Variants in PRKG2 observed in about 807,000 individuals in gnomAD.
PRKG2 encodes the protein protein kinase cGMP-dependent 2.
Under a neutral mutation model 97.2 loss-of-function variants are expected in PRKG2, and 33 were observed. The ratio of observed to expected loss-of-function variants is 0.34; its 90% confidence interval spans 0.26 to 0.45. The LOEUF is 0.45. Ranked by LOEUF, PRKG2 falls within the 20% of genes least tolerant of loss-of-function variation. The pLI, the probability that PRKG2 is intolerant of heterozygous loss-of-function variation, is 1.00. For synonymous variants in PRKG2, 330 were observed against 321.8 expected, an observed-to-expected ratio of 1.03 and a Z score of -0.27; for missense variants, 638 against 900.0, an observed-to-expected ratio of 0.71 and a Z score of 3.73.
chr4:81,210,662 A>G (rs988071091), intron 1 of PRKG2, among the ~76,000 whole-genome samples: 1 of 152,110 alleles, frequency 6.6e-6, no homozygotes, highest in Non-Finnish European at 1.5e-5. Context: ...ACAAAGCTAA[A>G]TATACTCTTA....
In PRKG2 at chr4:81,140,604, G is replaced by T; in HGVS notation, c.1473C>A (p.Asp491Glu). The T allele has an allele frequency of 6.2e-7, 1 of 1,612,926 alleles. No homozygotes were observed. Among genetic ancestry groups the T allele is most frequent in the Non-Finnish European group, 8.5e-7 (1 of 1,179,106 alleles). Reference sequence around the variant, plus strand: ...AGTAGACATGCTCCTGCTGCTTGGTGTCAACTATGTGCTTCTTCCTTATAC... The same window carrying T: ...AGTAGACATGCTCCTGCTGCTTGGTTTCAACTATGTGCTTCTTCCTTATAC... ...MKCIRKKHIV[D>E]TKQQEHVYSE... Residue 491 changes from aspartate (D) to glutamate (E), a missense_variant, in exon 12 of 19, where the codon GAC (aspartate) becomes GAA (glutamate). Transcript: ENST00000264399.
At chr4:81,145,343 A>G (rs1414666353) in intron 9 of PRKG2, among the ~76,000 whole-genome samples, 1 of 152,198 alleles carries the variant, frequency 6.6e-6, no homozygotes, top group African/African-American at 2.4e-5. Flanking sequence ...CAGGGGTTAC[A>G]GATTCTTTTA....
At chr4:81,180,230 G>A (rs938654938) in intron 2 of PRKG2, among the ~76,000 whole-genome samples, 2 of 151,672 alleles carry the variant, frequency 1.3e-5, no homozygotes, top group Non-Finnish European at 2.9e-5. Flanking sequence ...CTCAAAACAT[G>A]GCAAACAAAA....
chr4:81,142,298 A>G (rs1747372909), intron 11 of PRKG2, among the ~76,000 whole-genome samples: 3 of 152,212 alleles, frequency 2.0e-5, no homozygotes, highest in African/African-American at 7.2e-5. Context: ...TCACAATACG[A>G]AATTTTGAGC....
chr4:81,195,397 TACATA>T (rs1455459539), intron 2 of PRKG2, among the ~76,000 whole-genome samples: 4 of 152,178 alleles, frequency 2.6e-5, no homozygotes. Context: ...TAATAAAATA[TACATA>T]ACATAAAATG....
chr4:81,100,142 G>A (rs1160212774), intron 17 of PRKG2, among the ~76,000 whole-genome samples: 1 of 151,422 alleles, frequency 6.6e-6, no homozygotes, highest in African/African-American at 2.4e-5. Context: ...TACTGCCCAA[G>A]GTAATTTATA....
In PRKG2 at chr4:81,089,514, C is replaced by T. The variant is rs1428362894; in HGVS notation, c.*194G>A. ...CAAATAATGTAATACATCAATAATTCACAGCATCTAAATAAGACACTATAA... is the reference window on the plus strand; with the variant it reads ...CAAATAATGTAATACATCAATAATTTACAGCATCTAAATAAGACACTATAA... On this transcript the variant is annotated 3_prime_UTR_variant, in exon 19 of 19. Coordinates refer to ENST00000264399, the MANE Select transcript of PRKG2 (RefSeq NM_006259.3). 2.2e-6 allele frequency: 1 copy of T among 445,492 alleles called. No individual in the cohort carries two copies. Among genetic ancestry groups the T allele is most frequent in the African/African-American group, 2.0e-5 (1 of 49,472 alleles). The allele number at this position is 445,492 out of a possible 1,614,324, so 27.6% of individuals were successfully genotyped here. A position where few individuals can be genotyped will look rare whatever the true frequency, so the allele number is the denominator to read the frequency against.
At chr4:81,167,301 C>T (rs1464103421) in intron 5 of PRKG2, 77 bp from the exon 6 acceptor site, 1 of 908,394 alleles carries the variant, frequency 1.1e-6, no homozygotes, top group Non-Finnish European at 1.6e-6. Flanking sequence ...ATTCTAAAAT[C>T]TTTACATACA....
intron 14 of PRKG2, among the ~76,000 whole-genome samples, 182 bp downstream of exon 14, chr4:81,134,973 C>T (rs966447485): frequency 2.6e-5 from 4 of 151,978 alleles, no homozygotes; most frequent in African/African-American, 9.7e-5. Flanking sequence ...ACATTAAATC[C>T]TTAGGTCAAA....
intron 17 of PRKG2, among the ~76,000 whole-genome samples, chr4:81,100,807 A>C (rs1447166071): frequency 1.3e-5 from 2 of 152,216 alleles, no homozygotes; most frequent in African/African-American, 4.8e-5. Flanking sequence ...ACATTTCTGC[A>C]ATCTACTCAT....
At chr4:81,131,183 C>A (rs944608514) in intron 14 of PRKG2, among the ~76,000 whole-genome samples, 4 of 151,966 alleles carry the variant, frequency 2.6e-5, no homozygotes, top group African/African-American at 4.8e-5. Context: ...TATCTGGGGC[C>A]GGAATTCACC....
At chr4:81,167,036 G>T in intron 6 of PRKG2, 125 bp downstream of exon 6, 1 of 668,754 alleles carries the variant, frequency 1.5e-6, no homozygotes, top group South Asian at 2.7e-5. Flanking sequence ...TTTCACCATA[G>T]AAAAAGGCTC....
intron 7 of PRKG2, 175 bp downstream of exon 7, chr4:81,153,469 G>A (rs1578430545): frequency 3.7e-6 from 2 of 539,076 alleles, no homozygotes. Flanking sequence ...AGGGGGTCCT[G>A]TGGCCTCCAC....
intron 2 of PRKG2, among the ~76,000 whole-genome samples, chr4:81,187,421 A>C (rs1751981405): frequency 6.6e-6 from 1 of 152,186 alleles, no homozygotes; most frequent in African/African-American, 2.4e-5. Context: ...AACAAAATTC[A>C]ACACCCCTAT....
chr4:81,106,000 A>T (rs905000289), intron 15 of PRKG2, 65 bp from the exon 16 acceptor site: 2 of 1,514,006 alleles, frequency 1.3e-6, no homozygotes, highest in Non-Finnish European at 1.8e-6. Context: ...TTTGGAATGA[A>T]TTTTCTTTCT....
intron 9 of PRKG2, among the ~76,000 whole-genome samples, chr4:81,145,177 C>T (rs999218647): frequency 6.6e-6 from 1 of 152,048 alleles, no homozygotes; most frequent in East Asian, 1.9e-4. Flanking sequence ...CCTGAGGAAT[C>T]GCCACACTGT....
intron 5 of PRKG2, among the ~76,000 whole-genome samples, chr4:81,168,788 T>A (rs1191076282): frequency 1.3e-5 from 2 of 152,074 alleles, no homozygotes; most frequent in Non-Finnish European, 2.9e-5. Flanking sequence ...GCCTACACTA[T>A]AAGCTAAGCA....
At chr4:81,191,837 T>C (rs1752550316) in intron 2 of PRKG2, among the ~76,000 whole-genome samples, 1 of 152,164 alleles carries the variant, frequency 6.6e-6, no homozygotes, top group South Asian at 2.1e-4. Context: ...ACTGACTGAA[T>C]GCTGTTGAAT....
intron 15 of PRKG2, among the ~76,000 whole-genome samples, chr4:81,109,372 T>C (rs1743680432): frequency 6.6e-6 from 1 of 152,168 alleles, no homozygotes; most frequent in South Asian, 2.1e-4. Flanking sequence ...GCAAATCCTC[T>C]CTGAAATTAA....
Sources: allele counts gnomAD v4.1 joint callset (sites outside exome capture counted in the v4.1 genomes callset), GRCh38; gene constraint gnomAD v4.1.1; transcripts MANE v1.5; gene names NCBI Gene and HGNC (gene_info 2026-07-23, HGNC 2026-07-21).